KIR3DL3: variants seen among roughly 807,000 people sequenced by gnomAD.
KIR3DL3 encodes the protein killer cell immunoglobulin like receptor, three Ig domains and long cytoplasmic tail 3.
In KIR3DL3, 27 loss-of-function variants were observed where a neutral mutation model predicts 34.9. The ratio of observed to expected loss-of-function variants is 0.77; its 90% CI spans 0.57 to 1.07. The LOEUF (loss-of-function observed/expected upper bound fraction) is 1.07, where lower values mean the gene tolerates loss of function less well. KIR3DL3 is among the 50% of genes least tolerant of loss of function. KIR3DL3 has a pLI of 0.00. For synonymous variants in KIR3DL3, 217 were observed against 200.2 expected, an observed-to-expected ratio of 1.08 and a Z score of -0.71; for missense variants, 681 against 528.5, an observed-to-expected ratio of 1.29 and a Z score of -2.83.
intron 5 of KIR3DL3, among the ~76,000 whole-genome samples, chr19:54,734,150 T>C (rs1171114667): frequency 1.5e-5 from 2 of 132,108 alleles, no homozygotes; most frequent in African/African-American, 5.7e-5. Context: ...CTTTCTTTTC[T>C]TGGAGAATGT....
chr19:54,727,598 C>T lies in KIR3DL3; in HGVS notation c.356-13C>T. 7 of 1,606,330 alleles carry T rather than the reference C, an allele frequency of 4.4e-6. No individual in the cohort carries two copies. The highest frequency in any genetic ancestry group is 5.9e-6 in the Non-Finnish European group (7 of 1,177,418). On this transcript the variant is annotated splice_polypyrimidine_tract_variant and intron_variant, in intron 3 of 7. Transcript: ENST00000291860. ...AGGGAGACGCCTTCTGAACTCACAA[C>T]CTCTCTTCTTAGGAGTCCACAGAAA...
intron 4 of KIR3DL3, among the ~76,000 whole-genome samples, chr19:54,728,206 C>A (rs2146785869): frequency 6.7e-6 from 1 of 150,286 alleles, no homozygotes; most frequent in African/African-American, 2.4e-5. Context: ...TCTATGCTGA[C>A]TTTGTTCAGA....
At chr19:54,734,439 A>G (rs1347492871) in intron 5 of KIR3DL3, among the ~76,000 whole-genome samples, 4 of 151,660 alleles carry the variant, frequency 2.6e-5, no homozygotes, top group Admixed American at 1.3e-4. Context: ...AAGCTGCTCG[A>G]GACATGTGGA....
Position 54,735,874 on chromosome 19 carries a change from T to C in KIR3DL3, c.1107+2T>C, listed in dbSNP as rs535628491. ...GGGAACAGAACAGTGAACAGGGAGG[T>C]AGGTGCTCCTCCGCCCAGCCTCGTG... On this transcript the variant is annotated splice_donor_variant, in intron 7 of 7. Coordinates refer to ENST00000291860, the MANE Select transcript of KIR3DL3 (RefSeq NM_153443.5). LOFTEE classifies it high-confidence loss of function. 1 of 1,605,048 alleles carries C rather than the reference T, an allele frequency of 6.2e-7. No individual in the cohort carries two copies. Among genetic ancestry groups the C allele is most frequent in the African/African-American group, 1.4e-5 (1 of 71,928 alleles).
In KIR3DL3 at chr19:54,732,151, G is replaced by A. The variant is rs201660684; in HGVS notation, c.949+2365G>A. Among the ~76,000 whole-genome samples the A allele has an allele frequency of 2.4e-4, 37 of 152,260 alleles. No homozygotes were observed. In the East Asian group the frequency reaches 6.6e-3, roughly 27 times the overall value. ...GCTGATATTGCAGATGGGTAAATGC[G>A]AGGGCAGAGAATGAATGCACAAGGG... On this transcript the variant is annotated intron_variant, in intron 5 of 7. Transcript: ENST00000291860.
intron 5 of KIR3DL3, among the ~76,000 whole-genome samples, chr19:54,730,258 T>C (rs1291362824): frequency 6.6e-6 from 1 of 151,058 alleles, no homozygotes; most frequent in Non-Finnish European, 1.5e-5. Flanking sequence ...CTACTGTTCA[T>C]AAATACATTT....
At chr19:54,731,380 GTGTACCAGA>G (rs2068772186) in intron 5 of KIR3DL3, among the ~76,000 whole-genome samples, 1 of 151,294 alleles carries the variant, frequency 6.6e-6, no homozygotes, top group Non-Finnish European at 1.5e-5. Context: ...CGTATCAGCA[GTGTACCAGA>G]TGCAACCCTG....
chr19:54,726,433 C>T (rs34502004), intron 3 of KIR3DL3, 96 bp downstream of exon 3: 106,603 of 1,467,772 alleles, frequency 0.073, 4,058 homozygotes, highest in African/African-American at 0.1. Flanking sequence ...ATCCAGGCCC[C>T]GACTGTATTT....
intron 5 of KIR3DL3, among the ~76,000 whole-genome samples, chr19:54,734,625 G>A (rs1409980591): frequency 1.4e-5 from 2 of 147,624 alleles, no homozygotes; most frequent in East Asian, 3.9e-4. Flanking sequence ...GGACGTTGCT[G>A]TCTTAGTCCA....
Position 54,735,846 on chromosome 19 carries a change from G to T in KIR3DL3, c.1081G>T (p.Ala361Ser). Residue 361 changes from alanine (A) to serine (S), a missense_variant, in exon 7 of 8, where the codon GCA (alanine) becomes TCA (serine). By Grantham distance (99) the Ala-to-Ser change is moderately conservative. Transcript: ENST00000291860. The stretch of plus-strand genomic sequence containing the variant: ...TGCTGTTGTAATGGACCAAGAGCCT[G>T]CAGGGAACAGAACAGTGAACAGGGA... ...KNAVVMDQEP[A>S]GNRTVNREDS... The T allele has an allele frequency of 6.2e-7, 1 of 1,607,666 alleles. No homozygotes were observed. The highest frequency in any genetic ancestry group is 8.5e-7 in the Non-Finnish European group (1 of 1,178,250).
chr19:54,728,893 T>C (rs967988712), intron 4 of KIR3DL3, among the ~76,000 whole-genome samples: 9 of 148,570 alleles, frequency 6.1e-5, no homozygotes, highest in Non-Finnish European at 7.5e-5. Context: ...TGATAGATAA[T>C]AGAGAGACAG....
chr19:54,735,333 C>A lies in KIR3DL3; in HGVS notation c.1030C>A (p.His344Asn), dbSNP rs1175818046. ...TGCTATCCTCCTCTTCTTTCTCCTT[C>A]ATCGCTGGTGTGCCAACAAAAAGAG... Reference protein sequence around the residue: ...PFAILLFFLLHRWCANKKNAV... With the variant: ...PFAILLFFLLNRWCANKKNAV... The change falls in exon 6 of 8, where the codon CAT becomes AAT. Residue 344 changes from histidine to asparagine, a missense_variant. By Grantham distance (68) the His-to-Asn change is moderately conservative (BLOSUM62 1). Coordinates refer to ENST00000291860, the MANE Select transcript of KIR3DL3 (RefSeq NM_153443.5). 21 of 1,445,232 alleles carry A rather than the reference C, an allele frequency of 1.5e-5. No homozygotes were observed. In the Admixed American group the frequency reaches 2.2e-4, roughly 15 times the overall value. The allele number at this position is 1,445,232 out of a possible 1,614,324, so 89.5% of individuals were successfully genotyped here.
Position 54,724,445 on chromosome 19 carries a change from T to A in KIR3DL3, c.-52T>A. ...TGCATGAGCCCCTCACAACATCCTGTGTGCTGCTGAACTGAGCTGGGGCGC... is the reference window on the plus strand; with the variant it reads ...TGCATGAGCCCCTCACAACATCCTGAGTGCTGCTGAACTGAGCTGGGGCGC... On this transcript the variant is annotated 5_prime_UTR_variant, in exon 1 of 8. Coordinates refer to ENST00000291860, the MANE Select transcript of KIR3DL3 (RefSeq NM_153443.5). The A allele has an allele frequency of 6.2e-7, 1 of 1,611,774 alleles. No individual in the cohort carries two copies. The highest frequency in any genetic ancestry group is 8.5e-7 in the Non-Finnish European group (1 of 1,179,988).
chr19:54,735,199 C>T (rs1197557339), intron 5 of KIR3DL3, 54 bp from the exon 6 acceptor site: 8 of 1,274,702 alleles, frequency 6.3e-6, no homozygotes, highest in Non-Finnish European at 8.0e-6. Context: ...TGAGACAATT[C>T]ATATAGAGGA....
At chr19:54,726,555 G>T (rs969356486) in intron 3 of KIR3DL3, among the ~76,000 whole-genome samples, 1 of 145,692 alleles carries the variant, frequency 6.9e-6, no homozygotes, top group East Asian at 2.0e-4. Context: ...TATGTTATAG[G>T]GCAGGGGACT....
Position 54,736,018 on chromosome 19 carries a change from T to G in KIR3DL3, c.1155T>G (p.Asn385Lys), listed in dbSNP as rs747069894. The change falls in exon 8 of 8, where the codon AAT (asparagine) becomes AAG (lysine). Residue 385 changes from asparagine to lysine, a missense_variant. Physicochemically the swap from Asn to Lys is moderately conservative, Grantham distance 94. Coordinates refer to ENST00000291860, the MANE Select transcript of KIR3DL3 (RefSeq NM_153443.5). ...AGGAGGTGACATACGCACAGTTGAA[T>G]CACTGCGTTTTCACACAGAGAAAAA... ...DPQEVTYAQL[N>K]HCVFTQRKIT... The G allele has an allele frequency of 5.0e-6, 8 of 1,596,094 alleles. No homozygotes were observed. The East Asian group carries it at 1.8e-4, about 36-fold the overall frequency.
In KIR3DL3 at chr19:54,725,060, T is replaced by C. The variant is rs1405699400; in HGVS notation, c.35-187T>C. Among the ~76,000 whole-genome samples the C allele has an allele frequency of 7.3e-5, 9 of 122,472 alleles. 1 individual carries two copies. The highest frequency in any genetic ancestry group is 2.9e-4 in the African/African-American group (9 of 31,558). The allele number at this position is 122,472 out of a possible 152,430, so 80.3% of individuals were successfully genotyped here. ...TAGATATGGGCCTGGAGTAGAGATATAGGACGGAGGTGGAGATATAGGCCT... is the reference window on the plus strand; with the variant it reads ...TAGATATGGGCCTGGAGTAGAGATACAGGACGGAGGTGGAGATATAGGCCT... On this transcript the variant is annotated intron_variant, in intron 1 of 7. Coordinates refer to ENST00000291860, the MANE Select transcript of KIR3DL3 (RefSeq NM_153443.5).
intron 5 of KIR3DL3, among the ~76,000 whole-genome samples, chr19:54,732,097 A>G (rs1244511661): frequency 3.3e-5 from 5 of 152,194 alleles, no homozygotes; most frequent in Non-Finnish European, 5.9e-5. Context: ...AATGGTAAAC[A>G]GGATGCATTT....
At chr19:54,726,517 A>G (rs1286640678) in intron 3 of KIR3DL3, among the ~76,000 whole-genome samples, 180 bp downstream of exon 3, 2 of 147,456 alleles carry the variant, frequency 1.4e-5, no homozygotes, top group Non-Finnish European at 3.0e-5. Flanking sequence ...TGATGGCTAC[A>G]TGGTAATCCA....
Sources: gnomAD v4.1 joint callset for allele counts (sites outside exome capture counted in the v4.1 genomes callset) on GRCh38, gnomAD v4.1.1 for gene constraint, MANE v1.5 for transcripts, NCBI Gene and HGNC (gene_info 2026-07-23, HGNC 2026-07-21) for gene names.